Variants in CAMTA1 observed in about 807,000 individuals in gnomAD.
CAMTA1 encodes the protein calmodulin-binding transcription activator 1.
CAMTA1 carries 27 observed loss-of-function variants against 170.9 expected under a neutral mutation model. That is an observed-to-expected ratio of 0.16 (90% CI 0.12 to 0.22). The LOEUF (loss-of-function observed/expected upper bound fraction) is 0.22. Ranked by LOEUF, CAMTA1 falls within the 10% of genes least tolerant of loss-of-function variation. The probability of loss-of-function intolerance (pLI) is 1.00; values close to 1 mark genes in which losing one functional copy is unlikely to be tolerated. For synonymous variants in CAMTA1, 833 were observed against 891.5 expected (o/e 0.93, Z 1.17); for missense variants, 1,619 against 2,217.2 (o/e 0.73, Z 5.42).
rs535998601 is a variant in CAMTA1, at chr1:7,737,126, A to G, written c.3342+117A>G. 1.1e-5 allele frequency: 14 copies of G among 1,304,768 alleles called. No homozygotes were observed. In the East Asian group the frequency reaches 1.4e-4, roughly 13 times the overall value. The allele number at this position is 1,304,768 out of a possible 1,614,324, so 80.8% of individuals were successfully genotyped here. On this transcript the variant is annotated intron_variant, in intron 14 of 22. Transcript: ENST00000303635. ...TGGCATGTTTCGGAGATACTTTGGG[A>G]TGGGAATCTTCAATGGCCCCACCGA...
intron 1 of CAMTA1, among the ~76,000 whole-genome samples, chr1:6,812,276 A>G (rs1645261180): frequency 6.6e-6 from 1 of 152,018 alleles, no homozygotes; most frequent in South Asian, 2.1e-4. Flanking sequence ...GCCCCGTCCT[A>G]GCTTGTGGCC....
At position 7,702,349 on chromosome 1, in the gene CAMTA1, AAAC is replaced by A. The variant is rs201878688; in HGVS notation, c.2914+24627_2914+24629del. The stretch of plus-strand genomic sequence containing the variant: ...TGTCTGCCAAAACAAACAAACAAAC[AAAC>A]AACAACAACAGGAAAAAGAACTTCC... On this transcript the variant is annotated intron_variant, in intron 11 of 22. Coordinates refer to ENST00000303635, the MANE Select transcript of CAMTA1 (RefSeq NM_015215.4). Among the ~76,000 whole-genome samples, 453 of 152,292 alleles carry A rather than the reference AAAC, an allele frequency of 3.0e-3. 2 individuals are homozygous for A. Among genetic ancestry groups the A allele is most frequent in the African/African-American group, 9.5e-3 (394 of 41,566 alleles).
In CAMTA1 at chr1:7,128,737, C is replaced by G. The variant is rs1022921406; in HGVS notation, c.302+37366C>G. Among the ~76,000 whole-genome samples the G allele has an allele frequency of 1.3e-4, 20 of 151,196 alleles. 1 individual carries two copies. Among genetic ancestry groups the G allele is most frequent in the African/African-American group, 4.6e-4 (19 of 41,196 alleles). On this transcript the variant is annotated intron_variant, in intron 4 of 22. Transcript: ENST00000303635. Reference sequence around the variant, plus strand: ...TGGCACGATCTCAGCTCACTGCAGTCTCTGCCTCCTGGGTTCAAGTGATTC... The same window carrying G: ...TGGCACGATCTCAGCTCACTGCAGTGTCTGCCTCCTGGGTTCAAGTGATTC...
intron 6 of CAMTA1, among the ~76,000 whole-genome samples, chr1:7,498,310 A>G (rs944145975): frequency 2.0e-5 from 3 of 148,758 alleles, no homozygotes; most frequent in East Asian, 4.0e-4. Flanking sequence ...GTGAGTGTGG[A>G]TGTGTGTGTA....
chr1:7,272,687 A>G (rs12742545), intron 5 of CAMTA1, among the ~76,000 whole-genome samples: 1 of 121,258 alleles, frequency 8.2e-6, no homozygotes, highest in African/African-American at 3.2e-5. Flanking sequence ...CTGGATAAAC[A>G]CATGCAAAAA....
chr1:7,250,384 C>A (rs2149306606), intron 5 of CAMTA1, among the ~76,000 whole-genome samples: 1 of 152,334 alleles, frequency 6.6e-6, no homozygotes, highest in South Asian at 2.1e-4. Flanking sequence ...CATCCACTTC[C>A]CTGCGTTCCT....
At chr1:7,613,326 G>A (rs371176338) in intron 6 of CAMTA1, among the ~76,000 whole-genome samples, 2 of 152,330 alleles carry the variant, frequency 1.3e-5, no homozygotes, top group East Asian at 1.9e-4. Flanking sequence ...CCAGCACTGT[G>A]CTGAGTGAGA....
intron 3 of CAMTA1, among the ~76,000 whole-genome samples, chr1:6,869,475 T>C (rs1667762914): frequency 6.6e-6 from 1 of 152,210 alleles, no homozygotes; most frequent in African/African-American, 2.4e-5. Context: ...ATCAGCTCTT[T>C]GTTGTCATAA....
chr1:7,498,081 G>A (rs140342393), intron 6 of CAMTA1, among the ~76,000 whole-genome samples: 14 of 152,118 alleles, frequency 9.2e-5, no homozygotes, highest in East Asian at 3.9e-4. Flanking sequence ...GAAGGGGTGC[G>A]GGGAGCATCC....
At chr1:7,155,514 C>CT (rs555539179) in intron 4 of CAMTA1, among the ~76,000 whole-genome samples, 1,902 of 139,222 alleles carry the variant, frequency 0.014, 40 homozygotes, top group African/African-American at 0.043. Flanking sequence ...GGCATGAGGT[C>CT]TTTTTTTTTT....
chr1:7,749,047 T>C (rs1464983403), intron 19 of CAMTA1, among the ~76,000 whole-genome samples: 1 of 152,192 alleles, frequency 6.6e-6, no homozygotes. Context: ...ATCAAGGTGG[T>C]TATAAAATAT....
chr1:7,632,154 T>C (rs2095674211), intron 6 of CAMTA1, among the ~76,000 whole-genome samples: 1 of 152,226 alleles, frequency 6.6e-6, no homozygotes, highest in Non-Finnish European at 1.5e-5. Context: ...GGGAAGGCTG[T>C]GCCTCTGATG....
At chr1:7,514,642 C>A (rs1455103436) in intron 6 of CAMTA1, among the ~76,000 whole-genome samples, 4 of 152,194 alleles carry the variant, frequency 2.6e-5, no homozygotes, top group African/African-American at 7.2e-5. Context: ...GCCCAGACTG[C>A]AGGGTAAGGC....
intron 6 of CAMTA1, among the ~76,000 whole-genome samples, chr1:7,501,987 C>A (rs2094012953): frequency 6.6e-6 from 1 of 152,210 alleles, no homozygotes; most frequent in Non-Finnish European, 1.5e-5. Flanking sequence ...TGCAGAGGGG[C>A]TGGGGAGGAA....
chr1:7,153,298 G>A (rs1646683202), intron 4 of CAMTA1, among the ~76,000 whole-genome samples: 1 of 152,142 alleles, frequency 6.6e-6, no homozygotes, highest in Admixed American at 6.5e-5. Flanking sequence ...TCAGGAGCAC[G>A]GTGATCTTTT....
intron 5 of CAMTA1, among the ~76,000 whole-genome samples, chr1:7,437,232 G>C (rs2092376957): frequency 6.6e-6 from 1 of 152,202 alleles, no homozygotes; most frequent in Non-Finnish European, 1.5e-5. Context: ...GGCCTGGAAA[G>C]CGGATCATCC....
intron 6 of CAMTA1, among the ~76,000 whole-genome samples, chr1:7,507,261 TCGCA>T (rs953256475): frequency 6.6e-6 from 1 of 151,912 alleles, no homozygotes; most frequent in African/African-American, 2.4e-5. Flanking sequence ...ATTTGCACAC[TCGCA>T]CACACCCTGC....
At chr1:7,214,496 A>G (rs1337850818) in intron 4 of CAMTA1, among the ~76,000 whole-genome samples, 2 of 152,080 alleles carry the variant, frequency 1.3e-5, no homozygotes, top group African/African-American at 4.8e-5. Flanking sequence ...CCTCCCAAGT[A>G]GTGGGGACTA....
chr1:6,880,212 C>T (rs935189299), intron 3 of CAMTA1, among the ~76,000 whole-genome samples: 3 of 151,702 alleles, frequency 2.0e-5, no homozygotes, highest in African/African-American at 7.3e-5. Flanking sequence ...TAGCTGGGAC[C>T]AGAGGTGCAT....
Sources: allele counts gnomAD v4.1 joint callset (sites outside exome capture counted in the v4.1 genomes callset), GRCh38; gene constraint gnomAD v4.1.1; transcripts MANE v1.5; gene names NCBI Gene and HGNC (gene_info 2026-07-23, HGNC 2026-07-21).